Variants in BPIFB6 observed in about 807,000 individuals in gnomAD.
BPIFB6 encodes BPI fold containing family B member 6, also known as BPI fold-containing family B member 6.
In BPIFB6, 47 loss-of-function variants were observed where a neutral mutation model predicts 54.7. That is an observed-to-expected ratio of 0.86 (90% CI 0.68 to 1.10). BPIFB6 has a LOEUF of 1.10. Ranked by LOEUF, BPIFB6 falls within the 50% of genes least tolerant of loss-of-function variation. The pLI, the probability that BPIFB6 is intolerant of heterozygous loss-of-function variation, is 0.00. For synonymous variants in BPIFB6, 255 were observed against 225.9 expected (o/e 1.13, Z -1.16); for missense variants, 603 against 564.1 (o/e 1.07, Z -0.70).
At chr20:33,043,825 CT>C (rs768048774) in intron 14 of BPIFB6, among the ~76,000 whole-genome samples, 189 bp from the exon 15 acceptor site, 1 of 152,154 alleles carries the variant, frequency 6.6e-6, no homozygotes, top group Non-Finnish European at 1.5e-5. Flanking sequence ...CTTGTCCTCA[CT>C]TAACAGTTGA....
intron 8 of BPIFB6, among the ~76,000 whole-genome samples, chr20:33,038,074 G>C (rs534427993): frequency 6.6e-6 from 1 of 152,164 alleles, no homozygotes. Context: ...TCATACCCTA[G>C]GTTCTATCCT....
chr20:33,035,372 G>T (rs1979291946), intron 5 of BPIFB6, among the ~76,000 whole-genome samples: 1 of 152,164 alleles, frequency 6.6e-6, no homozygotes, highest in African/African-American at 2.4e-5. Context: ...TGCCAACCGT[G>T]CTTTGATGTC....
At chr20:33,033,222 G>C (rs930701346) in intron 2 of BPIFB6, 139 bp downstream of exon 2, 7 of 729,508 alleles carry the variant, frequency 9.6e-6, no homozygotes, top group African/African-American at 8.7e-5. Flanking sequence ...CTGTCTTGCT[G>C]TGTGGCCTTG....
chr20:33,041,099 C>G (rs1159868418), intron 11 of BPIFB6, among the ~76,000 whole-genome samples: 1 of 151,374 alleles, frequency 6.6e-6, no homozygotes, highest in African/African-American at 2.4e-5. Context: ...ATGCCATTCT[C>G]CTGCCTCAAC....
At chr20:33,040,938 C>G (rs989762945) in intron 11 of BPIFB6, among the ~76,000 whole-genome samples, 4 of 151,914 alleles carry the variant, frequency 2.6e-5, no homozygotes, top group Admixed American at 2.0e-4. Context: ...GGCTTAAGCC[C>G]CAAAGGGAAT....
Position 33,040,252 on chromosome 20 carries a change from A to C in BPIFB6, c.1076A>C (p.His359Pro). ...APMSLFLLEV[H>P]FNLKVQYSVH... is the part of the protein sequence containing the mutation. ...CCTGCTTCCTCCCCACCATGCCAGC[A>C]CTTCAATCTGAAGGTCCAGTACTCA... Residue 359 changes from histidine (H) to proline (P), a missense_variant and splice_region_variant, in exon 11 of 15, where the codon CAC (histidine) becomes CCC (proline). Transcript: ENST00000349552. 1 of 1,614,078 alleles carries C rather than the reference A, an allele frequency of 6.2e-7. No homozygotes were observed.
intron 11 of BPIFB6, among the ~76,000 whole-genome samples, chr20:33,041,147 G>T (rs778822664): frequency 6.6e-5 from 10 of 151,948 alleles, no homozygotes; most frequent in Non-Finnish European, 1.0e-4. Context: ...CCGCCACCAC[G>T]CCTGGCTAAT....
intron 10 of BPIFB6, 44 bp downstream of exon 10, chr20:33,039,564 G>A (rs1449590459): frequency 6.4e-7 from 1 of 1,570,566 alleles, no homozygotes. Context: ...CAATCTCTTG[G>A]ATATTCAGGG....
chr20:33,038,140 T>G (rs563370227), intron 8 of BPIFB6, among the ~76,000 whole-genome samples: 4 of 152,260 alleles, frequency 2.6e-5, no homozygotes, highest in Non-Finnish European at 5.9e-5. Context: ...TACTACAAAG[T>G]CTGATACTGT....
intron 11 of BPIFB6, among the ~76,000 whole-genome samples, chr20:33,040,985 CTTTTT>C (rs59134684): frequency 8.6e-6 from 1 of 116,846 alleles, no homozygotes; most frequent in African/African-American, 3.4e-5. Flanking sequence ...AGGAGTAGTT[CTTTTT>C]TTTTTTTTTT....
chr20:33,040,780 C>G (rs898866416), intron 11 of BPIFB6, among the ~76,000 whole-genome samples: 1 of 152,220 alleles, frequency 6.6e-6, no homozygotes, highest in East Asian at 1.9e-4. Context: ...CTATTTCATT[C>G]TTACACTTTG....
intron 3 of BPIFB6, 120 bp downstream of exon 3, chr20:33,034,410 G>T: frequency 1.3e-6 from 1 of 765,894 alleles, no homozygotes. Flanking sequence ...GGATGATGTA[G>T]ACTTGGTCCC....
In BPIFB6 at chr20:33,034,133, C is replaced by A. The variant is rs79189292; in HGVS notation, c.198-53C>A. On this transcript the variant is annotated intron_variant, in intron 2 of 14. Coordinates refer to ENST00000349552, the MANE Select transcript of BPIFB6 (RefSeq NM_174897.2). ...GTAAAGTGGTGAAGTGGGTGGAGGT[C>A]CTGGGTCTTGCCTGCTCAGATCTTA... 0.011 allele frequency: 14,859 copies of A among 1,330,968 alleles called. 1,128 individuals are homozygous for A. The African/African-American group carries it at 0.17, about 16-fold the overall frequency. The allele number at this position is 1,330,968 out of a possible 1,614,324, so 82.4% of individuals were successfully genotyped here.
chr20:33,041,860 G>T, intron 11 of BPIFB6, 110 bp from the exon 12 acceptor site: 2 of 936,838 alleles, frequency 2.1e-6, no homozygotes, highest in Non-Finnish European at 1.7e-6. Flanking sequence ...GGGGACTCCT[G>T]CATCAGGGAG....
chr20:33,041,925 G>C (rs199763242), intron 11 of BPIFB6, 45 bp from the exon 12 acceptor site: 1 of 1,594,702 alleles, frequency 6.3e-7, no homozygotes, highest in Non-Finnish European at 8.6e-7. Context: ...GGCTCTGACC[G>C]TTCTTTCCCC....
chr20:33,042,126 G>A lies in BPIFB6; in HGVS notation c.1188+111G>A, dbSNP rs943979722. 6.1e-6 allele frequency: 7 copies of A among 1,148,650 alleles called. No individual in the cohort carries two copies. In the African/African-American group the frequency reaches 1.1e-4, roughly 18 times the overall value. 71.2% of individuals were successfully genotyped at this position (1,148,650 alleles called of 1,614,324 possible). A position where few individuals can be genotyped will look rare whatever the true frequency, so the allele number is the denominator to read the frequency against. ...AAATGGAGGCAGATGAACAGAGCAA[G>A]GCCACTGTGAGGCGTGGCGCACCTG... On this transcript the variant is annotated intron_variant, in intron 12 of 14. Coordinates refer to ENST00000349552, the MANE Select transcript of BPIFB6 (RefSeq NM_174897.2).
At chr20:33,037,226 T>C (rs1004141854) in intron 7 of BPIFB6, among the ~76,000 whole-genome samples, 1 of 152,186 alleles carries the variant, frequency 6.6e-6, no homozygotes, top group Non-Finnish European at 1.5e-5. Flanking sequence ...CCCGTGTCGA[T>C]TTCCGCCTGT....
chr20:33,038,780 A>T (rs1979450672), intron 8 of BPIFB6, 129 bp from the exon 9 acceptor site: 5 of 888,718 alleles, frequency 5.6e-6, no homozygotes, highest in African/African-American at 3.3e-5. Flanking sequence ...ATATTTAGTT[A>T]AACTCAGAGC....
At chr20:33,032,135 G>C (rs963900919) in intron 1 of BPIFB6, among the ~76,000 whole-genome samples, 15 of 152,166 alleles carry the variant, frequency 9.9e-5, no homozygotes, top group African/African-American at 3.6e-4. Context: ...CATCTGTAAA[G>C]GTGAAATGTA....
Sources: gnomAD v4.1 joint callset for allele counts (sites outside exome capture counted in the v4.1 genomes callset) on GRCh38, gnomAD v4.1.1 for gene constraint, MANE v1.5 for transcripts, NCBI Gene and HGNC (gene_info 2026-07-23, HGNC 2026-07-21) for gene names.